Variants in PDE4D observed in about 807,000 individuals in gnomAD.
PDE4D encodes phosphodiesterase 4D, also known as 3',5'-cyclic-AMP phosphodiesterase 4D.
In PDE4D, 24 loss-of-function variants were observed where a neutral mutation model predicts 87.4. That is an observed-to-expected ratio of 0.27 (90% CI 0.20 to 0.39). The LOEUF (loss-of-function observed/expected upper bound fraction) is 0.39. PDE4D is among the 10% of genes least tolerant of loss of function. The pLI is 1.00. For synonymous variants in PDE4D, 384 were observed against 383.2 expected (o/e 1.00, Z -0.02); for missense variants, 714 against 1,041.0 (o/e 0.69, Z 4.32).
At chr5:60,328,677 C>A (rs573770977) in intron 1 of PDE4D, among the ~76,000 whole-genome samples, 2 of 152,086 alleles carry the variant, frequency 1.3e-5, no homozygotes, top group Admixed American at 1.3e-4. Context: ...TGGCACATAC[C>A]AGAAATGAAA....
chr5:59,798,060 C>T (rs1766691604), intron 1 of PDE4D, among the ~76,000 whole-genome samples: 2 of 151,720 alleles, frequency 1.3e-5, no homozygotes, highest in Non-Finnish European at 2.9e-5. Context: ...AGGGAGATTC[C>T]GCATCTACAA....
intron 1 of PDE4D, among the ~76,000 whole-genome samples, chr5:60,313,282 C>G (rs189181922): frequency 6.6e-6 from 1 of 151,916 alleles, no homozygotes; most frequent in Non-Finnish European, 1.5e-5. Context: ...ACAAAAAACC[C>G]TCAGAGACTA....
At chr5:59,460,268 A>G (rs1424875686) in intron 1 of PDE4D, among the ~76,000 whole-genome samples, 6 of 152,208 alleles carry the variant, frequency 3.9e-5, no homozygotes, top group Non-Finnish European at 7.3e-5. Context: ...TATTTTAATA[A>G]AAGTATAACA....
At chr5:59,923,616 G>A (rs923662349) in intron 3 of PDE4D, among the ~76,000 whole-genome samples, 5 of 152,218 alleles carry the variant, frequency 3.3e-5, no homozygotes, top group African/African-American at 1.2e-4. Context: ...AGAACACCAA[G>A]CGGGGACACC....
chr5:59,918,103 AATG>A (rs1482009719), intron 3 of PDE4D, among the ~76,000 whole-genome samples: 2 of 152,080 alleles, frequency 1.3e-5, no homozygotes, highest in African/African-American at 2.4e-5. Flanking sequence ...TATATTTAAT[AATG>A]ATAAAAATAT....
intron 2 of PDE4D, among the ~76,000 whole-genome samples, chr5:60,158,652 T>C (rs901051466): frequency 3.9e-5 from 6 of 152,214 alleles, no homozygotes; most frequent in Non-Finnish European, 7.3e-5. Context: ...AAGCTCCGCC[T>C]CCTGGGTTCA....
intron 2 of PDE4D, among the ~76,000 whole-genome samples, chr5:60,118,156 C>T (rs1778334973): frequency 6.6e-6 from 1 of 152,104 alleles, no homozygotes; most frequent in Admixed American, 6.6e-5. Context: ...TAAAAGTGAG[C>T]ATTACCCAAA....
chr5:59,021,269 T>C (rs960641051), intron 6 of PDE4D, among the ~76,000 whole-genome samples: 5 of 152,120 alleles, frequency 3.3e-5, no homozygotes, highest in African/African-American at 9.7e-5. Flanking sequence ...AGTGAGAGTG[T>C]AAATAAAAAA....
At chr5:60,177,251 G>A (rs1304708519) in intron 2 of PDE4D, among the ~76,000 whole-genome samples, 1 of 152,072 alleles carries the variant, frequency 6.6e-6, no homozygotes, top group Non-Finnish European at 1.5e-5. Context: ...GACAACAGGT[G>A]AAATGCAGGG....
intron 2 of PDE4D, among the ~76,000 whole-genome samples, chr5:60,154,426 G>A (rs1306916134): frequency 6.6e-6 from 1 of 151,978 alleles, no homozygotes; most frequent in South Asian, 2.1e-4. Context: ...ACAGGTGTCT[G>A]CCACCACACC....
At chr5:60,137,069 T>C (rs567060631) in intron 2 of PDE4D, among the ~76,000 whole-genome samples, 1 of 152,216 alleles carries the variant, frequency 6.6e-6, no homozygotes, top group Non-Finnish European at 1.5e-5. Flanking sequence ...TATTTGGTTT[T>C]CTGTTCCTAC....
At chr5:59,082,571 C>T (rs1052415595) in intron 5 of PDE4D, among the ~76,000 whole-genome samples, 1 of 151,880 alleles carries the variant, frequency 6.6e-6, no homozygotes, top group Admixed American at 6.6e-5. Context: ...ATAAATGATC[C>T]TATTCATAAT....
chr5:59,440,326 T>C (rs1467799551), intron 1 of PDE4D, among the ~76,000 whole-genome samples: 2 of 152,222 alleles, frequency 1.3e-5, no homozygotes, highest in Non-Finnish European at 2.9e-5. Flanking sequence ...CCTTAATTAT[T>C]TAGCAACAGA....
intron 1 of PDE4D, among the ~76,000 whole-genome samples, chr5:59,384,994 T>C (rs1430956987): frequency 1.3e-5 from 2 of 152,210 alleles, no homozygotes; most frequent in Non-Finnish European, 2.9e-5. Flanking sequence ...ACTTCTGTTT[T>C]GCTAGTAGTT....
At chr5:60,058,045 C>A (rs1450825971) in intron 2 of PDE4D, among the ~76,000 whole-genome samples, 1 of 151,924 alleles carries the variant, frequency 6.6e-6, no homozygotes, top group Admixed American at 6.6e-5. Flanking sequence ...TGATAAATGG[C>A]AAGAAAATAC....
intron 1 of PDE4D, among the ~76,000 whole-genome samples, chr5:60,438,726 A>T (rs1744954618): frequency 1.3e-5 from 2 of 152,116 alleles, no homozygotes; most frequent in Non-Finnish European, 2.9e-5. Context: ...AATGGTTAAA[A>T]GTGAGAAGAG....
At chr5:60,369,544 C>T (rs2149979261) in intron 1 of PDE4D, among the ~76,000 whole-genome samples, 1 of 152,214 alleles carries the variant, frequency 6.6e-6, no homozygotes, top group African/African-American at 2.4e-5. Context: ...AGGCGGGATG[C>T]AGACAGGGGT....
chr5:59,814,209 A>C (rs1314159685), intron 1 of PDE4D, among the ~76,000 whole-genome samples: 1 of 152,218 alleles, frequency 6.6e-6, no homozygotes, highest in Admixed American at 6.5e-5. Context: ...TTTTATAAAT[A>C]AAGCTTTATT....
intron 2 of PDE4D, among the ~76,000 whole-genome samples, chr5:60,037,995 C>G (rs1044426131): frequency 6.6e-6 from 1 of 152,030 alleles, no homozygotes; most frequent in Non-Finnish European, 1.5e-5. Flanking sequence ...TTAGGTGGCT[C>G]CATGGTCTTT....
Sources: allele counts gnomAD v4.1 joint callset (sites outside exome capture counted in the v4.1 genomes callset), GRCh38; gene constraint gnomAD v4.1.1; transcripts MANE v1.5; gene names NCBI Gene and HGNC (gene_info 2026-07-23, HGNC 2026-07-21).